ADAMTS18: variants seen among roughly 807,000 people sequenced by gnomAD.
ADAMTS18 encodes the protein ADAM metallopeptidase with thrombospondin type 1 motif 18, also known as A disintegrin and metalloproteinase with thrombospondin motifs 18.
A neutral mutation model predicts 165.9 loss-of-function variants in ADAMTS18; 157 were observed. The observed-to-expected ratio is 0.95, with a 90% confidence interval of 0.83 to 1.08. The LOEUF (loss-of-function observed/expected upper bound fraction) is 1.08. ADAMTS18 is among the 50% of genes least tolerant of loss of function. ADAMTS18 has a pLI of 0.00. For missense variants in ADAMTS18, 2,040 were observed against 1,534.0 expected, an observed-to-expected ratio of 1.33 and a Z score of -5.51; for synonymous variants, 782 against 578.2, an observed-to-expected ratio of 1.35 and a Z score of -5.06.
intron 12 of ADAMTS18, among the ~76,000 whole-genome samples, chr16:77,331,574 G>A (rs925473730): frequency 6.6e-6 from 1 of 152,162 alleles, no homozygotes; most frequent in Non-Finnish European, 1.5e-5. Context: ...CACTGGGCCT[G>A]ATTACATCTG....
At chr16:77,345,466 A>T (rs1409570289) in intron 10 of ADAMTS18, among the ~76,000 whole-genome samples, 1 of 152,180 alleles carries the variant, frequency 6.6e-6, no homozygotes, top group Non-Finnish European at 1.5e-5. Context: ...CCAGAATCTG[A>T]ACAATTATGG....
At chr16:77,355,725 A>G (rs1247463174) in intron 9 of ADAMTS18, among the ~76,000 whole-genome samples, 1 of 152,204 alleles carries the variant, frequency 6.6e-6, no homozygotes, top group Non-Finnish European at 1.5e-5. Context: ...GGATTGAAGG[A>G]GGAAATATGT....
chr16:77,316,732 C>T (rs1012114208), intron 16 of ADAMTS18, among the ~76,000 whole-genome samples: 3 of 152,124 alleles, frequency 2.0e-5, no homozygotes, highest in Non-Finnish European at 2.9e-5. Context: ...TGCAGTGGTG[C>T]GATCTCGGCT....
In ADAMTS18 at chr16:77,282,563, T is replaced by G. The variant is rs549890034; in HGVS notation, c.*1393A>C. The G allele has an allele frequency of 2.0e-5, 3 of 152,770 alleles. No homozygotes were observed. In the East Asian group the frequency reaches 5.8e-4, roughly 29 times the overall value. The allele number at this position is 152,770 out of a possible 1,614,324, so 9.5% of individuals were successfully genotyped here. A position where few individuals can be genotyped will look rare whatever the true frequency, so the allele number is the denominator to read the frequency against. On this transcript the variant is annotated 3_prime_UTR_variant, in exon 23 of 23. Coordinates refer to ENST00000282849, the MANE Select transcript of ADAMTS18 (RefSeq NM_199355.4). Reference sequence around the variant, plus strand: ...TAGTTGATTATGCTGAGCTGGCTAATCCAGCTTGAATTGAGACTTTTTAAA... The same window carrying G: ...TAGTTGATTATGCTGAGCTGGCTAAGCCAGCTTGAATTGAGACTTTTTAAA...
intron 10 of ADAMTS18, among the ~76,000 whole-genome samples, chr16:77,346,821 G>C (rs1189768692): frequency 6.6e-6 from 1 of 152,118 alleles, no homozygotes; most frequent in African/African-American, 2.4e-5. Context: ...ACTTTACAGA[G>C]GTATGATTTA....
intron 3 of ADAMTS18, among the ~76,000 whole-genome samples, chr16:77,402,202 A>G (rs542632066): frequency 2.0e-5 from 3 of 152,334 alleles, no homozygotes; most frequent in Admixed American, 6.5e-5. Flanking sequence ...ACACAGGTAT[A>G]CAAAGAACTT....
chr16:77,344,883 G>C (rs570861912), intron 10 of ADAMTS18, among the ~76,000 whole-genome samples: 5 of 152,126 alleles, frequency 3.3e-5, no homozygotes, highest in South Asian at 2.1e-4. Context: ...CCTTGAGAAG[G>C]CTCCCTTTCA....
chr16:77,318,643 G>A (rs529396110), intron 16 of ADAMTS18, among the ~76,000 whole-genome samples: 1 of 152,276 alleles, frequency 6.6e-6, no homozygotes, highest in Non-Finnish European at 1.5e-5. Flanking sequence ...TTTGAGAAGA[G>A]AACAGTAATC....
At position 77,305,533 on chromosome 16, in the gene ADAMTS18, C is replaced by T. The variant is rs148901620; in HGVS notation, c.2533-5129G>A. Among the ~76,000 whole-genome samples, 1,370 of 152,320 alleles carry T rather than the reference C, an allele frequency of 9.0e-3. 21 individuals are homozygous for T. The highest frequency in any genetic ancestry group is 0.029 in the African/African-American group (1,200 of 41,572). On this transcript the variant is annotated intron_variant, in intron 16 of 22. Transcript: ENST00000282849. ...GCGCTTCTAAGCACAACGTCCTCTG[C>T]AGCTGGGCAGGTCCCATGCCCATGA...
intron 18 of ADAMTS18, among the ~76,000 whole-genome samples, chr16:77,295,491 A>G (rs1353716209): frequency 6.6e-6 from 1 of 152,224 alleles, no homozygotes; most frequent in Non-Finnish European, 1.5e-5. Context: ...CCTTCTTTCC[A>G]TTAAGGAGCC....
At chr16:77,352,587 C>G (rs544604994) in intron 10 of ADAMTS18, among the ~76,000 whole-genome samples, 16 of 152,168 alleles carry the variant, frequency 1.1e-4, no homozygotes, top group African/African-American at 3.9e-4. Context: ...GGGGCACAGG[C>G]TCACTTAGCA....
At chr16:77,343,153 A>AC (rs1317930242) in intron 10 of ADAMTS18, among the ~76,000 whole-genome samples, 2 of 151,218 alleles carry the variant, frequency 1.3e-5, no homozygotes, top group African/African-American at 4.9e-5. Flanking sequence ...GCTCACTGCA[A>AC]CCCCCGCCTC....
At chr16:77,391,721 C>G (rs962345294) in intron 3 of ADAMTS18, among the ~76,000 whole-genome samples, 13 of 151,368 alleles carry the variant, frequency 8.6e-5, no homozygotes, top group African/African-American at 2.9e-4. Context: ...AAAATGACAA[C>G]AAGAACTACA....
chr16:77,335,607 C>T, intron 12 of ADAMTS18, 149 bp downstream of exon 12: 3 of 950,542 alleles, frequency 3.2e-6, no homozygotes, highest in Non-Finnish European at 4.9e-6. Context: ...ATCAACACAT[C>T]ACATGTACCC....
chr16:77,297,826 C>G (rs1288537657), intron 17 of ADAMTS18, among the ~76,000 whole-genome samples: 1 of 149,648 alleles, frequency 6.7e-6, no homozygotes, highest in Non-Finnish European at 1.5e-5. Flanking sequence ...TGAAATATCT[C>G]ATACTTCTTA....
intron 3 of ADAMTS18, among the ~76,000 whole-genome samples, chr16:77,410,968 T>G (rs969140934): frequency 9.2e-5 from 14 of 152,240 alleles, no homozygotes; most frequent in African/African-American, 3.4e-4. Context: ...TTCACTAGTT[T>G]TGGAAGACCA....
At chr16:77,434,272 C>T (rs2057770382) in intron 2 of ADAMTS18, 146 bp downstream of exon 2, 4 of 945,146 alleles carry the variant, frequency 4.2e-6, no homozygotes, top group Middle Eastern at 6.4e-4. Context: ...GCCAACCTTC[C>T]CCCCTCTCCA....
chr16:77,294,302 C>T (rs903941592), intron 19 of ADAMTS18, among the ~76,000 whole-genome samples: 4 of 152,086 alleles, frequency 2.6e-5, no homozygotes. Flanking sequence ...CTGTGTAGGA[C>T]ATTCACCTCT....
At chr16:77,385,528 G>C (rs534914426) in intron 3 of ADAMTS18, among the ~76,000 whole-genome samples, 2 of 152,172 alleles carry the variant, frequency 1.3e-5, no homozygotes, top group Non-Finnish European at 2.9e-5. Flanking sequence ...AGAAAGACAC[G>C]TGTTTTTACT....
Sources: gnomAD v4.1 joint callset for allele counts (sites outside exome capture counted in the v4.1 genomes callset) on GRCh38, gnomAD v4.1.1 for gene constraint, MANE v1.5 for transcripts, NCBI Gene and HGNC (gene_info 2026-07-23, HGNC 2026-07-21) for gene names.